ITFG1: variants seen among roughly 807,000 people sequenced by gnomAD.
ITFG1 encodes integrin alpha FG-GAP repeat containing 1.
Under a neutral mutation model 81.8 loss-of-function variants are expected in ITFG1, and 34 were observed. The ratio of observed to expected loss-of-function variants is 0.42; its 90% CI spans 0.32 to 0.55. The LOEUF (loss-of-function observed/expected upper bound fraction) is 0.55, where lower values mean the gene tolerates loss of function less well. Among genes scored for constraint, ITFG1 ranks in the 20% least tolerant of loss-of-function variants. The pLI is 0.17. For synonymous variants in ITFG1, 285 were observed against 270.6 expected (o/e 1.05, Z -0.52); for missense variants, 672 against 755.4 (o/e 0.89, Z 1.29).
intron 6 of ITFG1, among the ~76,000 whole-genome samples, chr16:47,411,748 A>G (rs1429850420): frequency 6.6e-6 from 1 of 152,134 alleles, no homozygotes; most frequent in Non-Finnish European, 1.5e-5. Flanking sequence ...TAATGATTGG[A>G]GGTGGCTCCC....
intron 10 of ITFG1, among the ~76,000 whole-genome samples, chr16:47,283,257 T>C (rs181127041): frequency 4.7e-4 from 71 of 152,306 alleles, no homozygotes; most frequent in Non-Finnish European, 7.8e-4. Flanking sequence ...TTAATTTTTG[T>C]ATATGGTGAG....
chr16:47,258,597 A>C (rs1460308846), intron 12 of ITFG1, 35 bp downstream of exon 12: 2 of 964,682 alleles, frequency 2.1e-6, no homozygotes, highest in Non-Finnish European at 3.3e-6. Flanking sequence ...GGGGAAGAGA[A>C]AGAGAACAAA....
At chr16:47,371,962 GGAGTACAGT>G (rs1304454063) in intron 7 of ITFG1, among the ~76,000 whole-genome samples, 1 of 151,012 alleles carries the variant, frequency 6.6e-6, no homozygotes, top group African/African-American at 2.4e-5. Context: ...CACCCAGGCT[GGAGTACAGT>G]GGTGCGATCT....
intron 8 of ITFG1, among the ~76,000 whole-genome samples, chr16:47,334,278 G>A (rs1967674261): frequency 6.6e-6 from 1 of 151,974 alleles, no homozygotes; most frequent in Admixed American, 6.6e-5. Flanking sequence ...GCCAAAGGAA[G>A]TTAGCTGGGT....
chr16:47,271,684 C>T (rs1966342862), intron 10 of ITFG1, among the ~76,000 whole-genome samples: 1 of 152,128 alleles, frequency 6.6e-6, no homozygotes, highest in African/African-American at 2.4e-5. Context: ...TGGTGAAACC[C>T]CGTCTCTACT....
chr16:47,244,275 C>G (rs1180949076), intron 12 of ITFG1, among the ~76,000 whole-genome samples: 1 of 152,134 alleles, frequency 6.6e-6, no homozygotes, highest in Admixed American at 6.5e-5. Context: ...AGGAGGGGGT[C>G]ATGGGAACCC....
chr16:47,366,230 A>G (rs1242154963), intron 7 of ITFG1, among the ~76,000 whole-genome samples: 2 of 152,222 alleles, frequency 1.3e-5, no homozygotes, highest in African/African-American at 4.8e-5. Flanking sequence ...TGGGAGATAG[A>G]ATATAAGTCA....
chr16:47,245,876 C>T (rs546908171), intron 12 of ITFG1, among the ~76,000 whole-genome samples: 8 of 151,298 alleles, frequency 5.3e-5, no homozygotes, highest in Admixed American at 2.0e-4. Flanking sequence ...ACTGAAGATT[C>T]GGACCATACT....
At chr16:47,353,391 A>G (rs1041484066) in intron 8 of ITFG1, among the ~76,000 whole-genome samples, 4 of 152,154 alleles carry the variant, frequency 2.6e-5, no homozygotes, top group Non-Finnish European at 4.4e-5. Context: ...TATAGCAGGT[A>G]TGTACCTCAA....
intron 7 of ITFG1, among the ~76,000 whole-genome samples, chr16:47,371,250 T>C (rs1411481803): frequency 2.0e-5 from 3 of 152,258 alleles, no homozygotes; most frequent in Non-Finnish European, 2.9e-5. Context: ...TTAGTCCTTC[T>C]TTAAGCATTC....
intron 10 of ITFG1, among the ~76,000 whole-genome samples, chr16:47,288,750 C>T (rs1966880101): frequency 6.6e-6 from 1 of 152,080 alleles, no homozygotes; most frequent in Non-Finnish European, 1.5e-5. Context: ...AACACAAAAA[C>T]TAGCCAGCGT....
chr16:47,418,893 A>G (rs1292861509), intron 6 of ITFG1, among the ~76,000 whole-genome samples: 1 of 152,184 alleles, frequency 6.6e-6, no homozygotes, highest in Admixed American at 6.5e-5. Context: ...GTTGTTTCAT[A>G]AAAATTTTAG....
At chr16:47,199,370 G>A (rs1309629402) in intron 14 of ITFG1, among the ~76,000 whole-genome samples, 1 of 152,100 alleles carries the variant, frequency 6.6e-6, no homozygotes, top group Non-Finnish European at 1.5e-5. Context: ...TAATGTCCTA[G>A]GACTTCATAT....
chr16:47,309,020 A>G (rs922383287), intron 10 of ITFG1, among the ~76,000 whole-genome samples: 3 of 152,072 alleles, frequency 2.0e-5, no homozygotes, highest in Non-Finnish European at 4.4e-5. Context: ...GAAGGAAGAA[A>G]TATTCACTCT....
At chr16:47,360,681 T>C (rs1285640138) in intron 8 of ITFG1, among the ~76,000 whole-genome samples, 5 of 152,172 alleles carry the variant, frequency 3.3e-5, no homozygotes, top group Non-Finnish European at 7.4e-5. Flanking sequence ...TCAGACTAAA[T>C]ATAAAATTTA....
At chr16:47,242,431 T>A (rs1343236404) in intron 12 of ITFG1, among the ~76,000 whole-genome samples, 1 of 151,670 alleles carries the variant, frequency 6.6e-6, no homozygotes, top group African/African-American at 2.4e-5. Flanking sequence ...CATGATAAAA[T>A]TGTCTGTAAG....
rs567342956 is a variant in ITFG1, at chr16:47,327,846, G to A, written c.803-14023C>T. Among the ~76,000 whole-genome samples the A allele has an allele frequency of 3.9e-5, 6 of 152,338 alleles. No individual in the cohort carries two copies. The East Asian group carries it at 9.6e-4, about 24-fold the overall frequency. On this transcript the variant is annotated intron_variant, in intron 8 of 17. Coordinates refer to ENST00000320640, the MANE Select transcript of ITFG1 (RefSeq NM_030790.5). ...AACAACAGGTGCTGGAGAGGATGTG[G>A]AGAAATAGGAACACTTACACTGTTG...
intron 14 of ITFG1, among the ~76,000 whole-genome samples, chr16:47,193,095 T>G (rs1433886941): frequency 6.9e-6 from 1 of 144,758 alleles, no homozygotes. Flanking sequence ...CAGTTTGTTC[T>G]TTTTTTTTGG....
At chr16:47,206,352 C>T (rs1965500221) in intron 14 of ITFG1, among the ~76,000 whole-genome samples, 1 of 152,274 alleles carries the variant, frequency 6.6e-6, no homozygotes, top group East Asian at 1.9e-4. Context: ...GCCCTCATAT[C>T]CTGTGATTTA....
Sources: gnomAD v4.1 joint callset for allele counts (sites outside exome capture counted in the v4.1 genomes callset) on GRCh38, gnomAD v4.1.1 for gene constraint, MANE v1.5 for transcripts, NCBI Gene and HGNC (gene_info 2026-07-23, HGNC 2026-07-21) for gene names.